OR2I1: variants seen among roughly 807,000 people sequenced by gnomAD.
The protein encoded by OR2I1 is olfactory receptor family 2 subfamily I member 1 (gene/pseudogene), also known as putative olfactory receptor 2I1.
chr6:29,557,420 T>C, the OR2I1 span: 2 of 152,244 alleles, frequency 1.3e-5, no homozygotes, highest in South Asian at 4.1e-4. Flanking sequence ...TTACAGAAGC[T>C]GTGCATTTGA....
chr6:29,551,777 G>T, the OR2I1 span, among the ~76,000 whole-genome samples: 8,070 of 152,276 alleles, frequency 0.053, 365 homozygotes, highest in Non-Finnish European at 0.094. Context: ...CATACCCAAG[G>T]TTTTCCAGCT....
the OR2I1 span, chr6:29,556,309 A>C: frequency 6.2e-7 from 1 of 1,612,808 alleles, no homozygotes; most frequent in Non-Finnish European, 8.5e-7. Context: ...ATGGGTTGGC[A>C]TCAAAGGTCA....
At chr6:29,553,980 G>C in the OR2I1 span, 1 of 398,602 alleles carries the variant, frequency 2.5e-6, no homozygotes, top group African/African-American at 2.1e-5. Flanking sequence ...TCTACGGCTC[G>C]GCCATCTACA....
At chr6:29,551,302 A>G in the OR2I1 span, among the ~76,000 whole-genome samples, 1 of 152,224 alleles carries the variant, frequency 6.6e-6, no homozygotes, top group African/African-American at 2.4e-5. Context: ...ATCTATAAAT[A>G]TAGGTAAGAC....
the OR2I1 span, among the ~76,000 whole-genome samples, chr6:29,551,081 T>G: frequency 1.3e-5 from 2 of 152,198 alleles, no homozygotes; most frequent in Non-Finnish European, 2.9e-5. Flanking sequence ...CTGTGCAGTT[T>G]TATTATTGTG....
At chr6:29,553,804 G>T in the OR2I1 span, 1 of 398,698 alleles carries the variant, frequency 2.5e-6, no homozygotes, top group Non-Finnish European at 4.4e-6. Flanking sequence ...AGACACTACC[G>T]AGAACCAGAT....
At chr6:29,551,748 G>T in the OR2I1 span, among the ~76,000 whole-genome samples, 1 of 152,162 alleles carries the variant, frequency 6.6e-6, no homozygotes, top group Admixed American at 6.5e-5. Context: ...GGAAACTGAG[G>T]CAGAGAGAGG....
chr6:29,556,403 C>T, the OR2I1 span: 1 of 1,362,046 alleles, frequency 7.3e-7, no homozygotes, highest in African/African-American at 1.4e-5. Context: ...CTCCTTTACA[C>T]TTCTACTCCC....
chr6:29,552,289 G>A, the OR2I1 span, among the ~76,000 whole-genome samples: 1 of 152,220 alleles, frequency 6.6e-6, no homozygotes, highest in African/African-American at 2.4e-5. Context: ...AATTGAGACA[G>A]AGGGAAATGA....
chr6:29,555,916 G>T, the OR2I1 span: 1 of 1,612,936 alleles, frequency 6.2e-7, no homozygotes, highest in Admixed American at 1.7e-5. Flanking sequence ...GGAAGAGTAA[G>T]TTGCCCTTTC....
At chr6:29,557,600 C>T in the OR2I1 span, 1 of 152,172 alleles carries the variant, frequency 6.6e-6, no homozygotes, top group Non-Finnish European at 1.5e-5. Flanking sequence ...CTGCTATAAC[C>T]TATTGGATAT....
At chr6:29,552,412 G>C in the OR2I1 span, among the ~76,000 whole-genome samples, 3 of 152,294 alleles carry the variant, frequency 2.0e-5, no homozygotes, top group East Asian at 5.8e-4. Context: ...ACTTATTCCT[G>C]ATTTAAAGGC....
At chr6:29,553,104 T>C in the OR2I1 span, 1 of 397,628 alleles carries the variant, frequency 2.5e-6, no homozygotes, top group African/African-American at 2.1e-5. Context: ...TGACCTTGTA[T>C]ATGATTCCAT....
At chr6:29,556,422 T>C in the OR2I1 span, 13 of 1,110,766 alleles carry the variant, frequency 1.2e-5, no homozygotes, top group East Asian at 2.4e-5. Context: ...CCCACCACAA[T>C]GGCTCCCCCT....
At chr6:29,553,382 A>C in the OR2I1 span, 2 of 399,270 alleles carry the variant, frequency 5.0e-6, no homozygotes, top group Non-Finnish European at 8.8e-6. Context: ...CCGCGCCTGC[A>C]CACGCCCATG....
At chr6:29,553,680 C>A in the OR2I1 span, 1 of 398,412 alleles carries the variant, frequency 2.5e-6, no homozygotes, top group African/African-American at 2.1e-5. Context: ...GCCTCACCAA[C>A]TCGGTTGCGC....
the OR2I1 span, among the ~76,000 whole-genome samples, chr6:29,552,243 A>G: frequency 6.6e-6 from 1 of 152,218 alleles, no homozygotes; most frequent in Non-Finnish European, 1.5e-5. Flanking sequence ...AACTTAGATG[A>G]CATCTAGTTC....
At chr6:29,554,023 G>T in the OR2I1 span, 1 of 398,918 alleles carries the variant, frequency 2.5e-6, no homozygotes, top group Non-Finnish European at 4.4e-6. Context: ...CTACAACCAG[G>T]CACGGGGCAA....
At chr6:29,554,300 G>C in the OR2I1 span, 2 of 397,360 alleles carry the variant, frequency 5.0e-6, no homozygotes. Context: ...TCCAATGGGG[G>C]ATATGTTTTC....
Sources: gnomAD v4.1 joint callset for allele counts (sites outside exome capture counted in the v4.1 genomes callset) on GRCh38, gnomAD v4.1.1 for gene constraint, MANE v1.5 for transcripts, NCBI Gene and HGNC (gene_info 2026-07-23, HGNC 2026-07-21) for gene names.